The following ZNF91 variants were observed in gnomAD, a reference collection of about 807,000 sequenced individuals.
ZNF91 encodes zinc finger protein 91.
ZNF91 carries 7 observed loss-of-function variants against 12.6 expected under a neutral mutation model. The observed-to-expected ratio is 0.55, with a 90% CI of 0.31 to 1.04. The LOEUF (loss-of-function observed/expected upper bound fraction) is 1.04. ZNF91 is among the 50% of genes least tolerant of loss of function. The pLI, the probability that ZNF91 is intolerant of heterozygous loss-of-function variation, is 0.05. For missense variants in ZNF91, 1,217 were observed against 1,385.4 expected, an observed-to-expected ratio of 0.88 and a Z score of 1.93; for synonymous variants, 453 against 462.6, an observed-to-expected ratio of 0.98 and a Z score of 0.27.
chr19:23,311,439 T>C (rs1967470146), upstream of ZNF91, among the ~76,000 whole-genome samples: 1 of 152,256 alleles, frequency 6.6e-6, no homozygotes, highest in African/African-American at 2.4e-5. Context: ...GATGTGTCTC[T>C]CCTCTTCTGC....
intron 1 of ZNF91, among the ~76,000 whole-genome samples, chr19:23,375,955 G>T (rs1969491083): frequency 6.6e-6 from 1 of 152,120 alleles, no homozygotes; most frequent in Non-Finnish European, 1.5e-5. Context: ...GAAAATATCA[G>T]TTGCATGGAA....
At chr19:23,376,006 A>G (rs113500363) in intron 1 of ZNF91, among the ~76,000 whole-genome samples, 23 of 152,330 alleles carry the variant, frequency 1.5e-4, no homozygotes, top group African/African-American at 5.5e-4. Flanking sequence ...ACAATTTTTA[A>G]TAGTGATTTT....
intron 1 of ZNF91, among the ~76,000 whole-genome samples, chr19:23,310,141 C>T (rs917368184): frequency 1.3e-5 from 2 of 151,884 alleles, no homozygotes; most frequent in Non-Finnish European, 2.9e-5. Flanking sequence ...CATAACAGCA[C>T]AAAGGATTTA....
At position 23,389,127 on chromosome 19, in the gene ZNF91, C is replaced by T. The variant is rs73565060; in HGVS notation, c.30+6198G>A. 3.6e-3 allele frequency among the ~76,000 whole-genome samples: 546 copies of T among 152,010 alleles called. 2 individuals carry two copies. Among genetic ancestry groups the T allele is most frequent in the African/African-American group, 0.013 (523 of 41,456 alleles). ...CAATTTTAGCTGTATAACAAACCTG[C>T]ATGTGTACCCCTAAACCAAAAATAG... On this transcript the variant is annotated intron_variant, in intron 1 of 3. Transcript: ENST00000300619.
chr19:23,344,957 C>T (rs1351030184), intron 3 of ZNF91, among the ~76,000 whole-genome samples: 1 of 152,208 alleles, frequency 6.6e-6, no homozygotes, highest in East Asian at 1.9e-4. Flanking sequence ...TCTGTGCATG[C>T]CCCTCGGTCA....
Position 23,359,901 on chromosome 19 carries a change from T to G in ZNF91, c.3078A>C (p.Glu1026Asp), listed in dbSNP as rs751989038. Residue 1026 changes from glutamate (E) to aspartate (D), a missense_variant, in exon 4 of 4, where the codon GAA becomes GAC. Around this residue, in one of 2 missense-constraint regions of ZNF91, gnomAD observed 491 missense variants for 489.8 expected, o/e 1.00. Coordinates refer to ENST00000300619, the MANE Select transcript of ZNF91 (RefSeq NM_003430.4). ...HTGEKPYKCEECGKAFNRSSK... is the reference protein window; with the variant it reads ...HTGEKPYKCEDCGKAFNRSSK... ...AGGATCGATTAAAAGCTTTGCCACA[T>G]TCTTCACATTTGTATGGTTTCTCTC... 6.3e-7 allele frequency: 1 copy of G among 1,584,548 alleles called. No homozygotes were observed. Among genetic ancestry groups the G allele is most frequent in the Non-Finnish European group, 8.6e-7 (1 of 1,156,868 alleles).
intron 3 of ZNF91, among the ~76,000 whole-genome samples, chr19:23,370,106 G>T (rs11668522): frequency 0.19 from 28,516 of 150,608 alleles, 2,905 homozygotes; most frequent in Non-Finnish European, 0.21. Context: ...TGTTATAAAT[G>T]TACTTTAAAT....
chr19:23,316,111 C>T (rs913224028), intron 1 of ZNF91, among the ~76,000 whole-genome samples: 1 of 151,850 alleles, frequency 6.6e-6, no homozygotes, highest in African/African-American at 2.4e-5. Flanking sequence ...TTGCCTGGGA[C>T]CTGCCAAATA....
intron 1 of ZNF91, among the ~76,000 whole-genome samples, chr19:23,388,171 G>T (rs888422575): frequency 6.6e-6 from 1 of 151,962 alleles, no homozygotes; most frequent in Non-Finnish European, 1.5e-5. Flanking sequence ...GCTGGAACCC[G>T]AGAGGCGGAG....
chr19:23,374,622 T>C lies in ZNF91; in HGVS notation c.157+16A>G, dbSNP rs1316691704. 1.2e-6 allele frequency: 2 copies of C among 1,600,092 alleles called. No homozygotes were observed. On this transcript the variant is annotated intron_variant, in intron 2 of 3. Coordinates refer to ENST00000300619, the MANE Select transcript of ZNF91 (RefSeq NM_003430.4). ...ATTAGTTTATATTAGAAACTTAGTA[T>C]TAAAGTTTTCCTTACCCAGGAAGGC... is the stretch of plus-strand genomic sequence containing the variant.
At position 23,359,846 on chromosome 19, in the gene ZNF91, T is replaced by G. The variant is rs768525091; in HGVS notation, c.3133A>C (p.Thr1045Pro). The G allele has an allele frequency of 1.9e-6, 3 of 1,613,742 alleles. No individual in the cohort carries two copies. The highest frequency in any genetic ancestry group is 2.5e-6 in the Non-Finnish European group (3 of 1,179,778). ...TCACACTTGTAAGGTTTCTCTCCAGTATGAATTATCTTATGTGTAGTAAGC... is the reference window on the plus strand; with the variant it reads ...TCACACTTGTAAGGTTTCTCTCCAGGATGAATTATCTTATGTGTAGTAAGC... ...SKLTTHKIIH[T>P]GEKPYKCEEC... Residue 1045 changes from threonine to proline, a missense_variant, in exon 4 of 4, where the codon ACT (threonine) becomes CCT (proline). Transcript: ENST00000300619.
chr19:23,353,976 C>T (rs1007707362), downstream of ZNF91, among the ~76,000 whole-genome samples: 1 of 152,036 alleles, frequency 6.6e-6, no homozygotes, highest in Admixed American at 6.6e-5. Context: ...CAAAAAAAGT[C>T]CAGGACCAGA....
chr19:23,389,026 T>C lies in ZNF91; in HGVS notation c.30+6299A>G, dbSNP rs75654609. On this transcript the variant is annotated intron_variant, in intron 1 of 3. Coordinates refer to ENST00000300619, the MANE Select transcript of ZNF91 (RefSeq NM_003430.4). Reference sequence around the variant, plus strand: ...GTGGAGGGTGGCAGGAGAAACAGGGTCAGAAAAAATACCTCTTTGGTGCTA... The same window carrying C: ...GTGGAGGGTGGCAGGAGAAACAGGGCCAGAAAAAATACCTCTTTGGTGCTA... Among the ~76,000 whole-genome samples, 591 of 151,866 alleles carry C rather than the reference T, an allele frequency of 3.9e-3. 10 individuals carry two copies. The highest frequency in any genetic ancestry group is 2.0e-3 in the Non-Finnish European group (135 of 67,906).
Position 23,362,042 on chromosome 19 carries a change from T to TA in ZNF91, c.936dup (p.Lys313Ter). Reference sequence around the variant, plus strand: ...GGTTTCTCTCCAGTATGAATTCTCTTATGTTTAGCAAGGGTTGAAGAATGG... The same window carrying TA: ...GGTTTCTCTCCAGTATGAATTCTCTTAATGTTTAGCAAGGGTTGAAGAATGG... On this transcript the variant is annotated frameshift_variant, in exon 4 of 4. Coordinates refer to ENST00000300619, the MANE Select transcript of ZNF91 (RefSeq NM_003430.4). LOFTEE classifies it low-confidence loss of function (END_TRUNC). 1 of 1,613,986 alleles carries TA rather than the reference T, an allele frequency of 6.2e-7. No individual in the cohort carries two copies. The highest frequency in any genetic ancestry group is 2.2e-5 in the East Asian group (1 of 44,840).
chr19:23,312,445 T>C (rs1349942089), upstream of ZNF91, among the ~76,000 whole-genome samples: 2 of 152,206 alleles, frequency 1.3e-5, no homozygotes, highest in African/African-American at 2.4e-5. Flanking sequence ...TCGCATTTCA[T>C]AGAAAGTCCT....
intron 1 of ZNF91, among the ~76,000 whole-genome samples, chr19:23,330,564 G>T (rs1967911437): frequency 6.6e-6 from 1 of 152,066 alleles, no homozygotes; most frequent in East Asian, 1.9e-4. Context: ...CCATTTTGGG[G>T]AGAATATGAT....
intron 3 of ZNF91, among the ~76,000 whole-genome samples, chr19:23,364,708 T>C (rs566859611): frequency 6.6e-6 from 1 of 152,188 alleles, no homozygotes; most frequent in Admixed American, 6.5e-5. Flanking sequence ...AAATAGGATG[T>C]TGAAATTATA....
intron 3 of ZNF91, among the ~76,000 whole-genome samples, chr19:23,367,709 G>C (rs920913064): frequency 3.3e-5 from 5 of 152,144 alleles, no homozygotes; most frequent in Non-Finnish European, 5.9e-5. Context: ...GAACAGAGTA[G>C]AGAGGCCAGA....
chr19:23,307,599 C>G (rs776737768), intron 2 of ZNF91: 1 of 152,238 alleles, frequency 6.6e-6, no homozygotes, highest in Non-Finnish European at 1.5e-5. Flanking sequence ...TGATGTGACT[C>G]TACTCTCATG....
Sources: allele counts gnomAD v4.1 joint callset (sites outside exome capture counted in the v4.1 genomes callset), GRCh38; gene constraint gnomAD v4.1.1; regional missense constraint gnomAD v4.1.1; transcripts MANE v1.5; gene names NCBI Gene and HGNC (gene_info 2026-07-23, HGNC 2026-07-21).